The following JMY variants were observed in gnomAD, a reference collection of about 807,000 sequenced individuals.
JMY encodes junction mediating and regulatory protein, p53 cofactor.
JMY carries 46 observed loss-of-function variants against 103.3 expected under a neutral mutation model. The observed-to-expected ratio is 0.45, with a 90% CI of 0.35 to 0.57. The LOEUF (loss-of-function observed/expected upper bound fraction) is 0.57, where lower values mean the gene tolerates loss of function less well. JMY is among the 20% of genes least tolerant of loss of function. The pLI, the probability that JMY is intolerant of heterozygous loss-of-function variation, is 0.00. For missense variants in JMY, 1,238 were observed against 1,255.2 expected, an observed-to-expected ratio of 0.99 and a Z score of 0.21; for synonymous variants, 526 against 489.3, an observed-to-expected ratio of 1.07 and a Z score of -0.99.
At chr5:79,271,843 C>G (rs576059373) in intron 1 of JMY, among the ~76,000 whole-genome samples, 161 of 152,238 alleles carry the variant, frequency 1.1e-3, no homozygotes, top group African/African-American at 3.3e-3. Context: ...CGCAGTGGCT[C>G]ACGCCTGTAA....
chr5:79,244,006 CTTT>C (rs1186953156), intron 1 of JMY, among the ~76,000 whole-genome samples: 9 of 141,302 alleles, frequency 6.4e-5, no homozygotes, highest in Admixed American at 2.1e-4. Flanking sequence ...TCTTTTTTTC[CTTT>C]TTTTTTTTTT....
At chr5:79,275,160 T>C (rs1745901388) in intron 1 of JMY, among the ~76,000 whole-genome samples, 1 of 150,742 alleles carries the variant, frequency 6.6e-6, no homozygotes. Context: ...CTGAGGGTTT[T>C]TTTTTTTTTT....
Position 79,300,189 on chromosome 5 carries a change from C to G in JMY, c.1564C>G (p.Arg522Gly), listed in dbSNP as rs1215835236. The G allele has an allele frequency of 1.9e-6, 3 of 1,613,116 alleles. No individual in the cohort carries two copies. The highest frequency in any genetic ancestry group is 2.5e-6 in the Non-Finnish European group (3 of 1,179,578). The change falls in exon 5 of 11, where the codon CGA (arginine) becomes GGA (glycine). Residue 522 changes from arginine (R) to glycine (G), a missense_variant. Arg to Gly is a moderately radical substitution (Grantham distance 125, BLOSUM62 -2). Coordinates refer to ENST00000396137, the MANE Select transcript of JMY (RefSeq NM_152405.5). ...SLRGGTEAIA[R>G]LDQLEADYYD... ...GCGGGGTGGTACAGAAGCGATAGCA[C>G]GATTGGATCAGTTAGAAGCTGATTA...
intron 1 of JMY, among the ~76,000 whole-genome samples, chr5:79,258,476 C>A (rs1282326824): frequency 2.6e-5 from 4 of 151,954 alleles, no homozygotes; most frequent in Non-Finnish European, 5.9e-5. Flanking sequence ...CTCAGCCTGG[C>A]AGGCTGTGCT....
At chr5:79,313,464 A>G (rs772001900) in intron 8 of JMY, among the ~76,000 whole-genome samples, 3 of 152,152 alleles carry the variant, frequency 2.0e-5, no homozygotes, top group Non-Finnish European at 2.9e-5. Context: ...TAAAATATAT[A>G]TAAGAGTTCT....
At chr5:79,273,803 G>A (rs1745852821) in intron 1 of JMY, among the ~76,000 whole-genome samples, 1 of 152,054 alleles carries the variant, frequency 6.6e-6, no homozygotes, top group African/African-American at 2.4e-5. Flanking sequence ...ATTGCCCCAT[G>A]AGTCCCTGAG....
chr5:79,261,674 T>G (rs1394847195), intron 1 of JMY, among the ~76,000 whole-genome samples: 1 of 152,180 alleles, frequency 6.6e-6, no homozygotes, highest in Non-Finnish European at 1.5e-5. Context: ...CCCTTTAAAT[T>G]TGGAGCCCTC....
In JMY at chr5:79,277,904, C is replaced by G. The variant is rs202056721; in HGVS notation, c.1033-6C>G. The G allele has an allele frequency of 2.3e-5, 37 of 1,603,162 alleles. No individual in the cohort carries two copies. Among genetic ancestry groups the G allele is most frequent in the Non-Finnish European group, 3.2e-5 (37 of 1,172,656 alleles). Reference sequence around the variant, plus strand: ...TTCTTAGTTGTGAAACTGTCTTGTTCCACAGCTCTTGGATAAGCACAAGAA... The same window carrying G: ...TTCTTAGTTGTGAAACTGTCTTGTTGCACAGCTCTTGGATAAGCACAAGAA... On this transcript the variant is annotated splice_region_variant and splice_polypyrimidine_tract_variant and intron_variant, in intron 1 of 10. Transcript: ENST00000396137.
chr5:79,262,822 T>C (rs1050357194), intron 1 of JMY, among the ~76,000 whole-genome samples: 5 of 152,210 alleles, frequency 3.3e-5, no homozygotes, highest in African/African-American at 1.2e-4. Flanking sequence ...GTGGAAATAA[T>C]AGATAAAAAT....
intron 1 of JMY, among the ~76,000 whole-genome samples, chr5:79,264,462 C>T (rs191551734): frequency 5.9e-5 from 9 of 151,732 alleles, no homozygotes; most frequent in Admixed American, 3.3e-4. Flanking sequence ...CTCCTGAGCT[C>T]AAGTGATCCT....
chr5:79,237,721 C>G (rs377567766), intron 1 of JMY, 39 bp downstream of exon 1: 18 of 1,557,548 alleles, frequency 1.2e-5, no homozygotes, highest in Non-Finnish European at 1.6e-5. Flanking sequence ...CTACTGGTCG[C>G]TTTTGGTTTA....
rs766650412 is a variant in JMY at position 79,300,882 on chromosome 5, T to C, written c.1881+19T>C. Reference sequence around the variant, plus strand: ...TAAAAAGGTATTTAAATATTGCTTTTGTTCATTATTTAGTCTTTTATCCGT... The same window carrying C: ...TAAAAAGGTATTTAAATATTGCTTTCGTTCATTATTTAGTCTTTTATCCGT... On this transcript the variant is annotated intron_variant, in intron 6 of 10. Coordinates refer to ENST00000396137, the MANE Select transcript of JMY (RefSeq NM_152405.5). The C allele has an allele frequency of 1.3e-5, 21 of 1,562,414 alleles. No homozygotes were observed. The South Asian group carries it at 1.8e-4, about 13-fold the overall frequency.
Position 79,237,084 on chromosome 5 carries a change from G to C in JMY, c.434G>C (p.Arg145Pro). ...GAGAGTCGTCTTAGGAGCCCAGTGC[G>C]GGCCAAACCCATCCCGGGTCAGAAA... is the stretch of plus-strand genomic sequence containing the variant. ...GAESRLRSPV[R>P]AKPIPGQKTS... Residue 145 changes from arginine to proline, a missense_variant, in exon 1 of 11, where the codon CGG (arginine) becomes CCG (proline). By Grantham distance (103) the Arg-to-Pro change is moderately radical. Transcript: ENST00000396137. 6.5e-7 allele frequency: 1 copy of C among 1,544,050 alleles called. No individual in the cohort carries two copies.
chr5:79,254,543 A>G (rs1379011186), intron 1 of JMY, among the ~76,000 whole-genome samples: 2 of 151,894 alleles, frequency 1.3e-5, no homozygotes, highest in Non-Finnish European at 2.9e-5. Flanking sequence ...ATTGTATGTT[A>G]TTTGTTTCTT....
At chr5:79,306,353 A>G in intron 6 of JMY, 22 bp from the exon 7 acceptor site, 1 of 1,555,862 alleles carries the variant, frequency 6.4e-7, no homozygotes, top group Non-Finnish European at 8.9e-7. Context: ...CTTGTATTAA[A>G]ACACATTTTA....
intron 10 of JMY, among the ~76,000 whole-genome samples, chr5:79,317,728 T>TC (rs1264011610): frequency 6.6e-6 from 1 of 152,168 alleles, no homozygotes; most frequent in African/African-American, 2.4e-5. Flanking sequence ...AGACAGAGTC[T>TC]CCCTCTGTTG....
intron 7 of JMY, among the ~76,000 whole-genome samples, chr5:79,310,170 C>T (rs1172877092): frequency 7.1e-6 from 1 of 140,418 alleles, no homozygotes; most frequent in African/African-American, 2.6e-5. Flanking sequence ...TTGAGCCATT[C>T]TCCTGCCTCA....
At chr5:79,290,321 T>G (rs772243438) in intron 3 of JMY, 50 bp downstream of exon 3, 14 of 1,272,716 alleles carry the variant, frequency 1.1e-5, no homozygotes, top group South Asian at 1.9e-5. Context: ...AAATGAGTGG[T>G]TAAGTATTTT....
intron 10 of JMY, among the ~76,000 whole-genome samples, chr5:79,320,051 A>C (rs2112127142): frequency 6.6e-6 from 1 of 152,308 alleles, no homozygotes; most frequent in East Asian, 1.9e-4. Context: ...GAAATTTCTT[A>C]AAATGTATGT....
Sources: gnomAD v4.1 joint callset for allele counts (sites outside exome capture counted in the v4.1 genomes callset) on GRCh38, gnomAD v4.1.1 for gene constraint, MANE v1.5 for transcripts, NCBI Gene and HGNC (gene_info 2026-07-23, HGNC 2026-07-21) for gene names.